KLF8: variants seen among roughly 807,000 people sequenced by gnomAD.
KLF8 encodes KLF transcription factor 8, also known as Krueppel-like factor 8.
Under a neutral mutation model 18.2 loss-of-function variants are expected in KLF8, and 10 were observed. The observed-to-expected ratio is 0.55, with a 90% CI of 0.34 to 0.93. The LOEUF (loss-of-function observed/expected upper bound fraction) is 0.93, where lower values mean the gene tolerates loss of function less well. Among genes scored for constraint, KLF8 ranks in the 40% least tolerant of loss-of-function variants. The pLI, the probability that KLF8 is intolerant of heterozygous loss-of-function variation, is 0.02. For missense variants in KLF8, 264 were observed against 277.9 expected (o/e 0.95, Z 0.36); for synonymous variants, 109 against 97.3 (o/e 1.12, Z -0.71).
intron 5 of KLF8, 60 bp downstream of exon 5, chrX:56,270,381 C>A (rs768776369): frequency 1.2e-4 from 95 of 777,434 alleles, no homozygotes; most frequent in African/African-American, 3.9e-4. Context: ...CACACACACA[C>A]GAGAGAGAGA....
chrX:56,062,277 G>A, the KLF8 span, among the ~76,000 whole-genome samples: 2 of 110,893 alleles, frequency 1.8e-5, no homozygotes, highest in African/African-American at 6.6e-5. Context: ...TTACAATTTG[G>A]CAGGTTTTTA....
the KLF8 span, among the ~76,000 whole-genome samples, chrX:55,939,341 C>G: frequency 9.0e-6 from 1 of 110,844 alleles, no homozygotes; most frequent in Non-Finnish European, 1.9e-5. Flanking sequence ...AGCAAAGACA[C>G]AACATAACCA....
chrX:56,059,304 C>A, the KLF8 span, among the ~76,000 whole-genome samples: 1 of 111,662 alleles, frequency 9.0e-6, no homozygotes, highest in African/African-American at 3.3e-5. Flanking sequence ...CTGTAGGTTG[C>A]CTGTTCACTC....
chrX:55,943,346 A>G, the KLF8 span, among the ~76,000 whole-genome samples: 1 of 110,684 alleles, frequency 9.0e-6, no homozygotes, highest in African/African-American at 3.3e-5. Flanking sequence ...AGATTAGATT[A>G]CCCAAAGAAA....
the KLF8 span, among the ~76,000 whole-genome samples, chrX:56,166,640 A>T: frequency 1.8e-5 from 2 of 112,102 alleles, no homozygotes; most frequent in Non-Finnish European, 3.8e-5. Context: ...TATTCTGTAT[A>T]TGCCAACTTT....
chrX:56,118,377 A>C, the KLF8 span, among the ~76,000 whole-genome samples: 1 of 111,820 alleles, frequency 8.9e-6, no homozygotes, highest in South Asian at 3.8e-4. Context: ...GGCCATAAAC[A>C]ACTCAGAAAG....
At chrX:55,944,537 A>T in the KLF8 span, among the ~76,000 whole-genome samples, 1 of 111,453 alleles carries the variant, frequency 9.0e-6, no homozygotes, top group Admixed American at 9.6e-5. Context: ...GAGAGATTCA[A>T]CTTCTTCCTG....
chrX:55,942,660 C>T, the KLF8 span, among the ~76,000 whole-genome samples: 11 of 111,257 alleles, frequency 9.9e-5, no homozygotes, highest in South Asian at 3.8e-4. Context: ...AAGATCGTTT[C>T]GATTGGGTTG....
chrX:56,241,881 C>T (rs925713661), intron 1 of KLF8, among the ~76,000 whole-genome samples: 5 of 112,301 alleles, frequency 4.5e-5, no homozygotes, highest in Non-Finnish European at 7.5e-5. Flanking sequence ...TGGTTCTAGG[C>T]ATCTGAGATT....
chrX:56,261,070 G>A (rs980155542), intron 2 of KLF8, among the ~76,000 whole-genome samples: 1 of 112,045 alleles, frequency 8.9e-6, no homozygotes, highest in African/African-American at 3.2e-5. Flanking sequence ...TTAAATATTT[G>A]TGAAATTAAC....
At chrX:56,078,456 A>G in the KLF8 span, among the ~76,000 whole-genome samples, 93 of 111,855 alleles carry the variant, frequency 8.3e-4, no homozygotes, top group Non-Finnish European at 1.3e-3. Flanking sequence ...ATTGATTTGC[A>G]TATATTGAAC....
chrX:55,994,312 C>CT, the KLF8 span, among the ~76,000 whole-genome samples: 1 of 108,820 alleles, frequency 9.2e-6, no homozygotes, highest in Non-Finnish European at 1.9e-5. Flanking sequence ...TTTGGATCTT[C>CT]TTTTTTCTTT....
the KLF8 span, among the ~76,000 whole-genome samples, chrX:56,058,231 T>TAC: frequency 1.3e-5 from 1 of 79,491 alleles, no homozygotes; most frequent in African/African-American, 4.4e-5. Context: ...TATATATATA[T>TAC]ACACACATAT....
chrX:56,177,362 G>T, the KLF8 span, among the ~76,000 whole-genome samples: 1 of 111,044 alleles, frequency 9.0e-6, no homozygotes, highest in African/African-American at 3.3e-5. Context: ...TTTGCTGGCG[G>T]TCCACTTCAG....
chrX:56,153,729 A>T, the KLF8 span, among the ~76,000 whole-genome samples: 1 of 111,584 alleles, frequency 9.0e-6, no homozygotes, highest in Admixed American at 9.6e-5. Flanking sequence ...AACTTCAGCG[A>T]AGTCTCAGGA....
the KLF8 span, among the ~76,000 whole-genome samples, chrX:56,052,923 C>T: frequency 0.53 from 58,433 of 110,078 alleles, 13,742 homozygotes; most frequent in East Asian, 0.76. Flanking sequence ...TGCGAGACTC[C>T]GTGGGCGTAG....
chrX:56,119,665 G>T, the KLF8 span, among the ~76,000 whole-genome samples: 2 of 110,138 alleles, frequency 1.8e-5, no homozygotes, highest in South Asian at 3.9e-4. Flanking sequence ...CTCCCAAAGT[G>T]CTAGGATTAC....
the KLF8 span, among the ~76,000 whole-genome samples, chrX:55,936,450 C>T: frequency 3.6e-4 from 41 of 112,673 alleles, no homozygotes; most frequent in South Asian, 1.5e-3. Context: ...CCAGTATGAG[C>T]GATGCAGAAG....
At chrX:56,042,467 TGG>T in the KLF8 span, among the ~76,000 whole-genome samples, 6 of 111,589 alleles carry the variant, frequency 5.4e-5, no homozygotes, top group Admixed American at 9.5e-5. Context: ...TATTTTTGTG[TGG>T]GAGTCTATGA....
Sources: gnomAD v4.1 joint callset for allele counts (sites outside exome capture counted in the v4.1 genomes callset) on GRCh38, gnomAD v4.1.1 for gene constraint, MANE v1.5 for transcripts, NCBI Gene and HGNC (gene_info 2026-07-23, HGNC 2026-07-21) for gene names.